The following MDGA2 variants were observed in gnomAD, a reference collection of about 807,000 sequenced individuals.
MDGA2 encodes the protein MAM domain containing glycosylphosphatidylinositol anchor 2, also known as MAM domain-containing glycosylphosphatidylinositol anchor protein 2.
In MDGA2, 40 loss-of-function variants were observed where a neutral mutation model predicts 117.8. The ratio of observed to expected loss-of-function variants is 0.34; its 90% CI spans 0.26 to 0.44. MDGA2 has a LOEUF of 0.44. Ranked by LOEUF, MDGA2 falls within the 20% of genes least tolerant of loss-of-function variation. The pLI is 1.00. For missense variants in MDGA2, 1,123 were observed against 1,250.6 expected (o/e 0.90, Z 1.54); for synonymous variants, 452 against 439.0 (o/e 1.03, Z -0.37).
intron 1 of MDGA2, among the ~76,000 whole-genome samples, chr14:47,609,090 G>A (rs898702229): frequency 2.6e-5 from 4 of 151,504 alleles, no homozygotes; most frequent in Admixed American, 6.6e-5. Context: ...GGTTATTGGG[G>A]TGCAGGTGGT....
intron 2 of MDGA2, among the ~76,000 whole-genome samples, chr14:47,278,899 A>G (rs755933091): frequency 6.6e-6 from 1 of 152,118 alleles, no homozygotes; most frequent in African/African-American, 2.4e-5. Flanking sequence ...TTTCCCTTCT[A>G]ATTTAATAAT....
chr14:47,004,458 C>T (rs558996597), intron 8 of MDGA2, among the ~76,000 whole-genome samples: 1 of 151,830 alleles, frequency 6.6e-6, no homozygotes, highest in East Asian at 1.9e-4. Context: ...TCCAAGACCA[C>T]ATTCTATTTT....
At chr14:47,116,373 A>G (rs1197956105) in intron 5 of MDGA2, among the ~76,000 whole-genome samples, 1 of 152,110 alleles carries the variant, frequency 6.6e-6, no homozygotes, top group African/African-American at 2.4e-5. Flanking sequence ...ATCTCATTTA[A>G]TATTCTAATG....
intron 1 of MDGA2, among the ~76,000 whole-genome samples, chr14:47,669,064 C>T (rs56886151): frequency 0.054 from 8,285 of 152,202 alleles, 271 homozygotes; most frequent in East Asian, 0.086. Flanking sequence ...ACTCACAAGG[C>T]TTATGCTATA....
intron 1 of MDGA2, among the ~76,000 whole-genome samples, chr14:47,511,353 T>C (rs1894636288): frequency 6.6e-6 from 1 of 152,180 alleles, no homozygotes; most frequent in Non-Finnish European, 1.5e-5. Flanking sequence ...AACATATCTA[T>C]TAAATAATTA....
Position 47,549,880 on chromosome 14 carries a change from A to T in MDGA2, c.280+124637T>A, listed in dbSNP as rs577145246. Among the ~76,000 whole-genome samples, 5 of 152,148 alleles carry T rather than the reference A, an allele frequency of 3.3e-5. No homozygotes were observed. In the South Asian group the frequency reaches 1.0e-3, roughly 32 times the overall value. ...CCTCACCAGAAAGCGACTATGCTGC[A>T]CCCTGATCTGCGACTTCTGGCCTCC... is the stretch of plus-strand genomic sequence containing the variant. On this transcript the variant is annotated intron_variant, in intron 1 of 16. Coordinates refer to ENST00000399232, the MANE Select transcript of MDGA2 (RefSeq NM_001113498.3).
chr14:47,596,621 G>A (rs1005272278), intron 1 of MDGA2, among the ~76,000 whole-genome samples: 23 of 152,086 alleles, frequency 1.5e-4, no homozygotes, highest in Non-Finnish European at 3.4e-4. Context: ...TAAACAGCAA[G>A]TGCCTAGAAA....
At chr14:47,047,909 A>G (rs929889218) in intron 7 of MDGA2, among the ~76,000 whole-genome samples, 1 of 152,064 alleles carries the variant, frequency 6.6e-6, no homozygotes, top group Non-Finnish European at 1.5e-5. Context: ...TACTATTTGA[A>G]GAAAATGACA....
intron 15 of MDGA2, among the ~76,000 whole-genome samples, chr14:46,848,616 C>A (rs1376143555): frequency 3.4e-5 from 5 of 145,818 alleles, no homozygotes; most frequent in African/African-American, 1.3e-4. Flanking sequence ...GCAGCTTGAT[C>A]AAAATCAAAA....
chr14:47,526,744 G>C (rs1464450689), intron 1 of MDGA2, among the ~76,000 whole-genome samples: 1 of 152,122 alleles, frequency 6.6e-6, no homozygotes, highest in Non-Finnish European at 1.5e-5. Flanking sequence ...TTACTTGGCA[G>C]CCCTGGCTGT....
chr14:46,891,821 T>C (rs1365457859), intron 10 of MDGA2, among the ~76,000 whole-genome samples: 1 of 151,446 alleles, frequency 6.6e-6, no homozygotes, highest in East Asian at 1.9e-4. Context: ...ACAAGGCTTT[T>C]TTATAATACT....
At chr14:47,276,457 G>A (rs1418850144) in intron 2 of MDGA2, among the ~76,000 whole-genome samples, 2 of 152,042 alleles carry the variant, frequency 1.3e-5, no homozygotes, top group African/African-American at 2.4e-5. Context: ...ATATTAAGGT[G>A]GTCAGATAAA....
chr14:47,222,307 GA>G (rs1886331737), intron 2 of MDGA2, among the ~76,000 whole-genome samples: 2 of 151,768 alleles, frequency 1.3e-5, no homozygotes, highest in South Asian at 4.1e-4. Context: ...TATATAATAA[GA>G]TTAAATTAAT....
At chr14:47,153,369 A>T (rs1213953010) in intron 3 of MDGA2, among the ~76,000 whole-genome samples, 1 of 152,180 alleles carries the variant, frequency 6.6e-6, no homozygotes, top group East Asian at 1.9e-4. Flanking sequence ...GGGAGTTAAA[A>T]AAGGTCTCTA....
At chr14:47,214,100 A>G (rs897762121) in intron 3 of MDGA2, among the ~76,000 whole-genome samples, 2 of 152,090 alleles carry the variant, frequency 1.3e-5, no homozygotes, top group African/African-American at 4.8e-5. Context: ...CACCTGCATG[A>G]TTCAATTACC....
intron 1 of MDGA2, among the ~76,000 whole-genome samples, chr14:47,655,741 A>G (rs1897730850): frequency 6.6e-6 from 1 of 152,304 alleles, no homozygotes; most frequent in Non-Finnish European, 1.5e-5. Context: ...GATCTAAGAG[A>G]GAACACAGTC....
At chr14:46,972,236 T>A (rs190569584) in intron 8 of MDGA2, among the ~76,000 whole-genome samples, 4 of 152,238 alleles carry the variant, frequency 2.6e-5, no homozygotes, top group African/African-American at 9.6e-5. Context: ...GAATACCCAG[T>A]TAGTGCTGGA....
At chr14:46,901,947 A>G (rs183760607) in intron 10 of MDGA2, among the ~76,000 whole-genome samples, 1 of 152,326 alleles carries the variant, frequency 6.6e-6, no homozygotes, top group East Asian at 1.9e-4. Flanking sequence ...GGGAATGAGG[A>G]TGACTTTTAA....
At chr14:47,385,979 T>C (rs1891747401) in intron 1 of MDGA2, among the ~76,000 whole-genome samples, 2 of 152,144 alleles carry the variant, frequency 1.3e-5, no homozygotes, top group African/African-American at 4.8e-5. Context: ...ATTTTTCTAA[T>C]TTATGAAAGC....
Sources: allele counts gnomAD v4.1 joint callset (sites outside exome capture counted in the v4.1 genomes callset), GRCh38; gene constraint gnomAD v4.1.1; transcripts MANE v1.5; gene names NCBI Gene and HGNC (gene_info 2026-07-23, HGNC 2026-07-21).